Variants in ARL5B observed in about 807,000 individuals in gnomAD.
ARL5B encodes ADP-ribosylation factor-like protein 5B.
In ARL5B, 10 loss-of-function variants were observed where a neutral mutation model predicts 26.9. The observed-to-expected ratio is 0.37, with a 90% CI of 0.23 to 0.63. The LOEUF (loss-of-function observed/expected upper bound fraction) is 0.63. Ranked by LOEUF, ARL5B falls within the 30% of genes least tolerant of loss-of-function variation. ARL5B has a pLI of 0.62. For synonymous variants in ARL5B, 87 were observed against 70.4 expected (o/e 1.24, Z -1.18); for missense variants, 167 against 213.9 (o/e 0.78, Z 1.37).
rs72775125 is a variant in ARL5B at position 18,670,849 on chromosome 10, A to G, written c.256-1773A>G. ...ACTTAGCATGGGTCCAGAAAGAGAT[A>G]TCCATTACTGATGCCATTTGCATGA... On this transcript the variant is annotated intron_variant, in intron 3 of 5. Coordinates refer to ENST00000377275, the MANE Select transcript of ARL5B (RefSeq NM_178815.5). Among the ~76,000 whole-genome samples, 993 of 152,308 alleles carry G rather than the reference A, an allele frequency of 6.5e-3. 6 individuals carry two copies. The highest frequency in any genetic ancestry group is 8.8e-3 in the Non-Finnish European group (598 of 68,030).
chr10:18,679,883 C>A lies in ARL5B; in HGVS notation c.*4667C>A, dbSNP rs756918941. 7 of 151,842 alleles carry A rather than the reference C, an allele frequency of 4.6e-5. No individual in the cohort carries two copies. Among genetic ancestry groups the A allele is most frequent in the African/African-American group, 1.4e-4 (6 of 41,388 alleles). The allele number at this position is 151,842 out of a possible 1,614,324, so 9.4% of individuals were successfully genotyped here. On this transcript the variant is annotated 3_prime_UTR_variant, in exon 6 of 6. Coordinates refer to ENST00000377275, the MANE Select transcript of ARL5B (RefSeq NM_178815.5). ...CTCGTATTTAGGGTACTTAAAATTA[C>A]TAAAAAATACTGTCTTTTTACCATA... is the stretch of plus-strand genomic sequence containing the variant.
At position 18,659,606 on chromosome 10, in the gene ARL5B, G is replaced by C. The variant is rs763293879; in HGVS notation, c.-32G>C. 5 of 1,603,046 alleles carry C rather than the reference G, an allele frequency of 3.1e-6. No individual in the cohort carries two copies. The South Asian group carries it at 5.6e-5, about 18-fold the overall frequency. ...ACCCGGCGCAGCGGCACCTGCTGCC[G>C]AGGGACCCCGCGGCCCGCCCCGGTG... On this transcript the variant is annotated 5_prime_UTR_variant, in exon 1 of 6. Transcript: ENST00000377275.
rs529428944 is a variant in ARL5B at position 18,676,433 on chromosome 10, A to T, written c.*1217A>T. The T allele has an allele frequency of 1.3e-5, 2 of 152,172 alleles. No individual in the cohort carries two copies. Among genetic ancestry groups the T allele is most frequent in the Non-Finnish European group, 2.9e-5 (2 of 67,892 alleles). 9.4% of individuals were successfully genotyped at this position (152,172 alleles called of 1,614,324 possible). A position where few individuals can be genotyped will look rare whatever the true frequency, so the allele number is the denominator to read the frequency against. On this transcript the variant is annotated 3_prime_UTR_variant, in exon 6 of 6. Coordinates refer to ENST00000377275, the MANE Select transcript of ARL5B (RefSeq NM_178815.5). The stretch of plus-strand genomic sequence containing the variant: ...TAACAACTTAAAATTAAAAAAAGTC[A>T]TAATCTATCAAAAGTTTATTTATTG...
At chr10:18,660,897 C>T (rs1371219333) in intron 1 of ARL5B, among the ~76,000 whole-genome samples, 7 of 152,078 alleles carry the variant, frequency 4.6e-5, no homozygotes, top group Non-Finnish European at 7.4e-5. Context: ...GCCCAGGCTT[C>T]AGTGCAGTGG....
At position 18,677,283 on chromosome 10, in the gene ARL5B, C is replaced by G. The variant is rs144127521; in HGVS notation, c.*2067C>G. The G allele has an allele frequency of 4.3e-3, 647 of 152,128 alleles. 7 individuals are homozygous for G. Among genetic ancestry groups the G allele is most frequent in the African/African-American group, 0.015 (615 of 41,458 alleles). 9.4% of individuals were successfully genotyped at this position (152,128 alleles called of 1,614,324 possible). A position where few individuals can be genotyped will look rare whatever the true frequency, so the allele number is the denominator to read the frequency against. ...ATGGTTATTTTTTATATTACCACAT[C>G]AGCATTATATTAAAAGTGTTTTTAA... On this transcript the variant is annotated 3_prime_UTR_variant, in exon 6 of 6. Coordinates refer to ENST00000377275, the MANE Select transcript of ARL5B (RefSeq NM_178815.5).
chr10:18,674,670 A>G (rs982494643), intron 5 of ARL5B, among the ~76,000 whole-genome samples: 15 of 152,202 alleles, frequency 9.9e-5, no homozygotes, highest in African/African-American at 3.6e-4. Context: ...ATGTTATTTA[A>G]GTATTATCCT....
chr10:18,672,039 G>C (rs890937117), intron 3 of ARL5B, among the ~76,000 whole-genome samples: 1 of 151,938 alleles, frequency 6.6e-6, no homozygotes, highest in African/African-American at 2.4e-5. Context: ...CTGGTGTCTT[G>C]CCTTTATTTA....
At chr10:18,672,022 CTT>C (rs2059889943) in intron 3 of ARL5B, among the ~76,000 whole-genome samples, 1 of 152,150 alleles carries the variant, frequency 6.6e-6, no homozygotes, top group African/African-American at 2.4e-5. Flanking sequence ...GATTTCTCCT[CTT>C]TTTTCTGGTG....
chr10:18,675,273 A>G lies in ARL5B; in HGVS notation c.*57A>G. 1 of 1,543,232 alleles carries G rather than the reference A, an allele frequency of 6.5e-7. No individual in the cohort carries two copies. Among genetic ancestry groups the G allele is most frequent in the Non-Finnish European group, 9.0e-7 (1 of 1,116,372 alleles). ...TTCTGTGACATGAACATTTTTTCCT[A>G]GTACCTTTGGCTGCTAAGGCAGCAG... On this transcript the variant is annotated 3_prime_UTR_variant, in exon 6 of 6. Transcript: ENST00000377275.
rs2059906811 is a variant in ARL5B at position 18,675,522 on chromosome 10, C to T, written c.*306C>T. The stretch of plus-strand genomic sequence containing the variant: ...ATGTTTGTCATATGCGTGATGTCTT[C>T]TGAAATATTCTTATAACCTTAATGA... On this transcript the variant is annotated 3_prime_UTR_variant, in exon 6 of 6. Transcript: ENST00000377275. 1 of 294,964 alleles carries T rather than the reference C, an allele frequency of 3.4e-6. No individual in the cohort carries two copies. The highest frequency in any genetic ancestry group is 6.5e-5 in the East Asian group (1 of 15,312). 18.3% of individuals were successfully genotyped at this position (294,964 alleles called of 1,614,324 possible).
At chr10:18,662,735 ACT>A (rs1251907248) in intron 1 of ARL5B, among the ~76,000 whole-genome samples, 1 of 146,586 alleles carries the variant, frequency 6.8e-6, no homozygotes, top group Non-Finnish European at 1.5e-5. Context: ...ATGGAGTCTC[ACT>A]CTGTCACCCA....
chr10:18,662,709 T>G (rs2059842355), intron 1 of ARL5B, among the ~76,000 whole-genome samples: 1 of 151,540 alleles, frequency 6.6e-6, no homozygotes, highest in Non-Finnish European at 1.5e-5. Context: ...TTTGTTTGTT[T>G]TTTTTTTTTA....
intron 1 of ARL5B, among the ~76,000 whole-genome samples, chr10:18,661,834 A>G (rs915779142): frequency 6.6e-6 from 1 of 152,192 alleles, no homozygotes; most frequent in Non-Finnish European, 1.5e-5. Context: ...CAAAAGGGAG[A>G]GGAATGAGCT....
intron 3 of ARL5B, 96 bp from the exon 4 acceptor site, chr10:18,672,526 C>T: frequency 1.3e-6 from 1 of 779,462 alleles, no homozygotes; most frequent in African/African-American, 1.7e-5. Context: ...ATGATGATGC[C>T]ATGTAGAGAA....
intron 1 of ARL5B, among the ~76,000 whole-genome samples, chr10:18,663,644 G>A (rs540482582): frequency 1.1e-4 from 17 of 149,574 alleles, no homozygotes; most frequent in Non-Finnish European, 2.5e-4. Flanking sequence ...TGCCTCCCGG[G>A]TTCATGCCAT....
At chr10:18,667,779 G>A (rs1310225896) in intron 2 of ARL5B, among the ~76,000 whole-genome samples, 1 of 151,902 alleles carries the variant, frequency 6.6e-6, no homozygotes, top group East Asian at 1.9e-4. Flanking sequence ...TTCTAAGGGT[G>A]GAGTGCAATG....
chr10:18,671,654 T>C (rs2059887482), intron 3 of ARL5B, among the ~76,000 whole-genome samples: 1 of 145,982 alleles, frequency 6.9e-6, no homozygotes, highest in South Asian at 2.3e-4. Context: ...CTCCTCCTCC[T>C]CCCCCTCACC....
chr10:18,671,003 A>G (rs1410231071), intron 3 of ARL5B, among the ~76,000 whole-genome samples: 1 of 152,166 alleles, frequency 6.6e-6, no homozygotes, highest in East Asian at 1.9e-4. Context: ...TATGTCCATT[A>G]TAATACAAGA....
chr10:18,671,866 A>AGT (rs1210673695), intron 3 of ARL5B, among the ~76,000 whole-genome samples: 2 of 152,056 alleles, frequency 1.3e-5, no homozygotes, highest in Admixed American at 6.6e-5. Flanking sequence ...TGCCCAAGCT[A>AGT]GTCTCAAACT....
Sources: gnomAD v4.1 joint callset for allele counts (sites outside exome capture counted in the v4.1 genomes callset) on GRCh38, gnomAD v4.1.1 for gene constraint, MANE v1.5 for transcripts, NCBI Gene and HGNC (gene_info 2026-07-23, HGNC 2026-07-21) for gene names.